The following TBCD variants were observed in gnomAD, a reference collection of about 807,000 sequenced individuals.
TBCD encodes the protein tubulin folding cofactor D.
In TBCD, 105 loss-of-function variants were observed where a neutral mutation model predicts 169.3. The ratio of observed to expected loss-of-function variants is 0.62; its 90% CI spans 0.53 to 0.73. The LOEUF (loss-of-function observed/expected upper bound fraction) is 0.73, where lower values mean the gene tolerates loss of function less well. Among genes scored for constraint, TBCD ranks in the 30% least tolerant of loss-of-function variants. The pLI, the probability that TBCD is intolerant of heterozygous loss-of-function variation, is 0.00. For synonymous variants in TBCD, 700 were observed against 643.9 expected (o/e 1.09, Z -1.32); for missense variants, 1,444 against 1,600.1 (o/e 0.90, Z 1.66).
rs753825990 is a variant in TBCD at position 82,781,689 on chromosome 17, G to A, written c.739G>A (p.Val247Ile). The change falls in exon 7 of 39, where the codon GTC becomes ATC. Residue 247 changes from valine (V) to isoleucine (I), a missense_variant. Coordinates refer to ENST00000355528, the MANE Select transcript of TBCD (RefSeq NM_005993.5). ...TTCCTCCTTCCAGACCATGCAGGGGGTCATCACCATGGATGGGACGCTGCA... is the reference window on the plus strand; with the variant it reads ...TTCCTCCTTCCAGACCATGCAGGGGATCATCACCATGGATGGGACGCTGCA... ...ARSSFQTMQG[V>I]ITMDGTLQAL... 8 of 1,613,726 alleles carry A rather than the reference G, an allele frequency of 5.0e-6. No homozygotes were observed. In the East Asian group the frequency reaches 6.7e-5, roughly 13 times the overall value.
intron 17 of TBCD, among the ~76,000 whole-genome samples, chr17:82,899,197 C>CGTGTCCGCAGTGCGTCCTCAGCAT (rs1430915364): frequency 0.011 from 1,532 of 134,604 alleles, 24 homozygotes; most frequent in African/African-American, 0.037. Flanking sequence ...GTCCTCAGCG[C>CGTGTCCGCAGTGCGTCCTCAGCAT]GTGTCCGCAG....
Position 82,887,168 on chromosome 17 carries a change from T to TGTGTGTGTGCGC in TBCD, c.1534-2499_1534-2498insTGTGTGTGCGCG. ...GTGTGTGTGTGTGTGTGTGTGTGTGTGCGCGCGCGCGCACGTGCGCTCACG... is the reference window on the plus strand; with the variant it reads ...GTGTGTGTGTGTGTGTGTGTGTGTGTGTGTGTGTGCGCGCGCGCGCGCGCACGTGCGCTCACG... On this transcript the variant is annotated intron_variant, in intron 15 of 38. Coordinates refer to ENST00000355528, the MANE Select transcript of TBCD (RefSeq NM_005993.5). Among the ~76,000 whole-genome samples, 160 of 126,186 alleles carry TGTGTGTGTGCGC rather than the reference T, an allele frequency of 1.3e-3. 1 individual carries two copies. The highest frequency in any genetic ancestry group is 0.012 in the South Asian group (40 of 3,394). The allele number at this position is 126,186 out of a possible 152,430, so 82.8% of individuals were successfully genotyped here. A position where few individuals can be genotyped will look rare whatever the true frequency, so the allele number is the denominator to read the frequency against.
intron 18 of TBCD, among the ~76,000 whole-genome samples, chr17:82,902,837 C>T (rs947148752): frequency 2.0e-5 from 3 of 152,150 alleles, no homozygotes; most frequent in Non-Finnish European, 4.4e-5. Flanking sequence ...ATGAGCTCTG[C>T]GGGTCGCTCC....
At chr17:82,779,419 C>T (rs1015278322) in intron 6 of TBCD, among the ~76,000 whole-genome samples, 1 of 152,188 alleles carries the variant, frequency 6.6e-6, no homozygotes, top group African/African-American at 2.4e-5. Flanking sequence ...CTGTGCCCAG[C>T]CAAATGATTC....
intron 10 of TBCD, among the ~76,000 whole-genome samples, 162 bp from the exon 11 acceptor site, chr17:82,807,446 C>T (rs668990): frequency 2.0e-5 from 3 of 151,966 alleles, no homozygotes; most frequent in African/African-American, 4.8e-5. Flanking sequence ...GATTTGAGAA[C>T]GGAGGGAAGG....
chr17:82,827,004 C>T (rs1322014493), intron 13 of TBCD, among the ~76,000 whole-genome samples: 1 of 152,200 alleles, frequency 6.6e-6, no homozygotes, highest in African/African-American at 2.4e-5. Flanking sequence ...CTCCTGACCT[C>T]AAGCAATCCA....
intron 34 of TBCD, among the ~76,000 whole-genome samples, chr17:82,933,392 G>T (rs1440158649): frequency 6.7e-6 from 1 of 150,346 alleles, no homozygotes; most frequent in Non-Finnish European, 1.5e-5. Context: ...GGGACTACAG[G>T]CATGCGCTGT....
intron 13 of TBCD, among the ~76,000 whole-genome samples, chr17:82,837,477 G>A (rs776865575): frequency 2.0e-5 from 3 of 152,224 alleles, no homozygotes; most frequent in Non-Finnish European, 4.4e-5. Context: ...ATAAAGAAGT[G>A]CGGAGCGTCT....
chr17:82,752,747 G>T (rs2047174939), intron 1 of TBCD, among the ~76,000 whole-genome samples: 1 of 152,196 alleles, frequency 6.6e-6, no homozygotes, highest in Admixed American at 6.5e-5. Context: ...GACCCCTCCG[G>T]ACAGCTGGTC....
intron 20 of TBCD, among the ~76,000 whole-genome samples, chr17:82,906,745 G>T (rs967082430): frequency 1.3e-5 from 2 of 152,256 alleles, no homozygotes; most frequent in Non-Finnish European, 2.9e-5. Flanking sequence ...TGAGAGCAGG[G>T]TATGGGCCCA....
At chr17:82,926,989 C>T (rs74664145) in intron 28 of TBCD, 197 bp from the exon 29 acceptor site, 26 of 729,272 alleles carry the variant, frequency 3.6e-5, no homozygotes, top group Middle Eastern at 3.7e-4. Context: ...ACCGGAGAGA[C>T]GGCAGAGCGT....
At position 82,872,999 on chromosome 17, in the gene TBCD, G is replaced by A. The variant is rs57854345; in HGVS notation, c.1475+2619G>A. Reference sequence around the variant, plus strand: ...CCAGGCCCGGCACCTCGTGGCCGACGGCTTCTGAGCCAGGCCCGTCTGGGC... The same window carrying A: ...CCAGGCCCGGCACCTCGTGGCCGACAGCTTCTGAGCCAGGCCCGTCTGGGC... On this transcript the variant is annotated intron_variant, in intron 14 of 38. Coordinates refer to ENST00000355528, the MANE Select transcript of TBCD (RefSeq NM_005993.5). 6.8e-3 allele frequency among the ~76,000 whole-genome samples: 1,033 copies of A among 151,024 alleles called. 15 individuals are homozygous for A. Among genetic ancestry groups the A allele is most frequent in the African/African-American group, 0.024 (994 of 41,016 alleles).
intron 13 of TBCD, among the ~76,000 whole-genome samples, chr17:82,847,856 C>T (rs1034474716): frequency 7.9e-5 from 12 of 152,168 alleles, no homozygotes; most frequent in Admixed American, 6.5e-5. Flanking sequence ...CTCCTGACCT[C>T]GTGATCCACC....
chr17:82,791,326 C>T (rs973198218), intron 7 of TBCD, among the ~76,000 whole-genome samples: 3 of 152,232 alleles, frequency 2.0e-5, no homozygotes, highest in Admixed American at 6.5e-5. Context: ...CTCCTGACCT[C>T]GTGATCTGCC....
chr17:82,814,045 C>T (rs2051666993), intron 12 of TBCD, among the ~76,000 whole-genome samples: 1 of 152,214 alleles, frequency 6.6e-6, no homozygotes, highest in African/African-American at 2.4e-5. Flanking sequence ...AGGAGAGCTT[C>T]TGAACCACCC....
intron 8 of TBCD, among the ~76,000 whole-genome samples, chr17:82,799,699 T>C (rs1321239332): frequency 1.3e-5 from 2 of 152,206 alleles, no homozygotes; most frequent in Non-Finnish European, 2.9e-5. Context: ...GGGCTCTTTA[T>C]GTCCTCACCA....
At chr17:82,805,566 G>A (rs1266635986) in intron 9 of TBCD, among the ~76,000 whole-genome samples, 1 of 152,166 alleles carries the variant, frequency 6.6e-6, no homozygotes, top group African/African-American at 2.4e-5. Context: ...GCTTCCCCAG[G>A]GAAGGCGCTG....
intron 8 of TBCD, 125 bp downstream of exon 8, chr17:82,797,927 C>A: frequency 3.4e-6 from 1 of 293,274 alleles, no homozygotes; most frequent in Non-Finnish European, 5.4e-6. Context: ...TGGACACTAT[C>A]GTTCTTTTTT....
chr17:82,836,949 T>A (rs1204678034), intron 13 of TBCD, among the ~76,000 whole-genome samples: 1 of 152,162 alleles, frequency 6.6e-6, no homozygotes, highest in Non-Finnish European at 1.5e-5. Flanking sequence ...GGTGAGAGTG[T>A]TTGGAGCTCA....
Sources: gnomAD v4.1 joint callset for allele counts (sites outside exome capture counted in the v4.1 genomes callset) on GRCh38, gnomAD v4.1.1 for gene constraint, MANE v1.5 for transcripts, NCBI Gene and HGNC (gene_info 2026-07-23, HGNC 2026-07-21) for gene names.